The following BSN variants were observed in gnomAD, a reference collection of about 807,000 sequenced individuals.
BSN encodes bassoon presynaptic cytomatrix protein.
In BSN, 57 loss-of-function variants were observed where a neutral mutation model predicts 264.8. The ratio of observed to expected loss-of-function variants is 0.22; its 90% CI spans 0.17 to 0.27. BSN has a LOEUF of 0.27. Among genes scored for constraint, BSN ranks in the 10% least tolerant of loss-of-function variants. The pLI is 1.00. For synonymous variants in BSN, 2,059 were observed against 2,137.3 expected, an observed-to-expected ratio of 0.96 and a Z score of 1.01; for missense variants, 4,615 against 5,232.5, an observed-to-expected ratio of 0.88 and a Z score of 3.64.
chr3:49,563,346 C>T (rs890836291), intron 1 of BSN, among the ~76,000 whole-genome samples: 1 of 152,190 alleles, frequency 6.6e-6, no homozygotes, highest in African/African-American at 2.4e-5. Flanking sequence ...CTGCAGGCTC[C>T]CTGTTCTCAG....
At chr3:49,614,355 G>A (rs543014285) in intron 1 of BSN, among the ~76,000 whole-genome samples, 1 of 152,150 alleles carries the variant, frequency 6.6e-6, no homozygotes, top group Non-Finnish European at 1.5e-5. Flanking sequence ...CACCGCGCCC[G>A]GCCGACATTC....
rs1315459732 is a variant in BSN at position 49,667,706 on chromosome 3, G to GA, written c.*221_*222insA. ...CAGCTGCCTGGGTGAAGCATCTGCT[G>GA]GACAAGTCGGACCACTGGCCAGGGG... On this transcript the variant is annotated 3_prime_UTR_variant, in exon 12 of 12. Coordinates refer to ENST00000296452, the MANE Select transcript of BSN (RefSeq NM_003458.4). The GA allele has an allele frequency of 2.0e-5, 3 of 152,642 alleles. No individual in the cohort carries two copies. The highest frequency in any genetic ancestry group is 7.2e-5 in the African/African-American group (3 of 41,422). 9.5% of individuals were successfully genotyped at this position (152,642 alleles called of 1,614,324 possible).
At chr3:49,673,087 CTTTTTT>C (rs71080543), downstream of BSN, among the ~76,000 whole-genome samples, 482 of 43,208 alleles carry the variant, frequency 0.011, 9 homozygotes, top group Non-Finnish European at 0.017. Flanking sequence ...CCGGCCGGGA[CTTTTTT>C]TTTTTTTTTT....
Position 49,654,446 on chromosome 3 carries a change from T to C in BSN, c.4890T>C (p.Tyr1630=), listed in dbSNP as rs780128346. ...SAGADGPLAL[Y]GWGALPAENI... is the part of the protein sequence containing the mutation. The stretch of plus-strand genomic sequence containing the variant: ...GTGCAGATGGGCCCCTGGCACTATA[T>C]GGCTGGGGTGCCCTCCCTGCTGAGA... The change falls in exon 5 of 12, where the codon TAT becomes TAC. Residue 1630 remains tyrosine, a synonymous_variant. Coordinates refer to ENST00000296452, the MANE Select transcript of BSN (RefSeq NM_003458.4). The surrounding 1 kb of genome is among the most constrained non-coding windows in gnomAD (Gnocchi z 4.1). The C allele has an allele frequency of 1.6e-5, 26 of 1,603,150 alleles. No individual in the cohort carries two copies. Among genetic ancestry groups the C allele is most frequent in the South Asian group, 7.9e-5 (7 of 88,308 alleles).
intron 1 of BSN, among the ~76,000 whole-genome samples, chr3:49,579,060 T>C (rs1444728934): frequency 6.6e-6 from 1 of 152,038 alleles, no homozygotes; most frequent in Non-Finnish European, 1.5e-5. Flanking sequence ...TGATCATGGC[T>C]TACTGTAACC....
chr3:49,558,315 C>A (rs747085319), intron 1 of BSN, among the ~76,000 whole-genome samples: 7 of 152,236 alleles, frequency 4.6e-5, no homozygotes, highest in Non-Finnish European at 2.9e-5. Context: ...CAGGGCAAAG[C>A]CAACAGAGGC....
chr3:49,604,149 C>A (rs553531005), intron 1 of BSN, among the ~76,000 whole-genome samples: 3 of 151,882 alleles, frequency 2.0e-5, no homozygotes, highest in Non-Finnish European at 4.4e-5. Flanking sequence ...GCCTTCAACT[C>A]CTGGGCTCAA....
downstream of BSN, among the ~76,000 whole-genome samples, chr3:49,672,655 A>G (rs2052806872): frequency 7.0e-6 from 1 of 143,288 alleles, no homozygotes; most frequent in African/African-American, 2.6e-5. Flanking sequence ...TAATTTTTGT[A>G]TTTTTAGTAG....
Position 49,655,807 on chromosome 3 carries a change from A to G in BSN, c.6251A>G (p.Glu2084Gly). The G allele has an allele frequency of 1.2e-6, 2 of 1,613,400 alleles. No homozygotes were observed. The highest frequency in any genetic ancestry group is 1.7e-6 in the Non-Finnish European group (2 of 1,180,026). ...GPRGDAVGFQ[E>G]ASLAQYSATT... ...CGGGGAGATGCAGTTGGCTTCCAGG[A>G]GGCCAGCCTGGCCCAGTACAGTGCC... Residue 2084 changes from glutamate to glycine, a missense_variant, in exon 5 of 12, where the codon GAG becomes GGG. Coordinates refer to ENST00000296452, the MANE Select transcript of BSN (RefSeq NM_003458.4).
intron 1 of BSN, among the ~76,000 whole-genome samples, chr3:49,595,480 C>A (rs769027204): frequency 6.6e-6 from 1 of 151,986 alleles, no homozygotes; most frequent in African/African-American, 2.4e-5. Flanking sequence ...TGAGCCACTG[C>A]GCCCGGCCTC....
chr3:49,656,275 G>C lies in BSN; in HGVS notation c.6719G>C (p.Ser2240Thr). ...SGGITAVPLT[S>T]LTRVPMIAPR... The stretch of plus-strand genomic sequence containing the variant: ...GGAATCACAGCCGTGCCACTCACCA[G>C]TCTGACACGTGTGCCCATGATTGCC... Residue 2240 changes from serine (S) to threonine (T), a missense_variant, in exon 5 of 12, where the codon AGT becomes ACT. Around this residue, in one of 3 missense-constraint regions of BSN, gnomAD observed 3,415 missense variants for 3,866.4 expected, o/e 0.88. Transcript: ENST00000296452. 5.6e-6 allele frequency: 9 copies of C among 1,613,128 alleles called. No homozygotes were observed. Among genetic ancestry groups the C allele is most frequent in the Non-Finnish European group, 7.6e-6 (9 of 1,179,834 alleles).
In BSN at chr3:49,652,734, C is replaced by T. The variant is rs1222643556; in HGVS notation, c.3178C>T (p.Arg1060Trp). 3.2e-6 allele frequency: 5 copies of T among 1,561,516 alleles called. No individual in the cohort carries two copies. The highest frequency in any genetic ancestry group is 2.3e-5 in the East Asian group (1 of 44,424). ...GCTGCTTCGTGAGCAAGAGAAGATG[C>T]GGGAGGTGGAGCAGCAGCGCATCCG... ...EELLREQEKM[R>W]EVEQQRIRST... The change falls in exon 5 of 12, where the codon CGG (arginine) becomes TGG (tryptophan). Residue 1060 changes from arginine to tryptophan, a missense_variant. Coordinates refer to ENST00000296452, the MANE Select transcript of BSN (RefSeq NM_003458.4).
chr3:49,643,011 G>T lies in BSN; in HGVS notation c.1377G>T (p.Pro459=), dbSNP rs749730838. 6.2e-7 allele frequency: 1 copy of T among 1,614,114 alleles called. No homozygotes were observed. The highest frequency in any genetic ancestry group is 8.5e-7 in the Non-Finnish European group (1 of 1,180,024). Reference sequence around the variant, plus strand: ...CTGCTGCCAAGCCAAAGACCATGCCGAAGGAAAGGGCCATCTGCCCACTGT... The same window carrying T: ...CTGCTGCCAAGCCAAAGACCATGCCTAAGGAAAGGGCCATCTGCCCACTGT... ...SKAAAKPKTM[P]KERAICPLCQ... Residue 459 remains proline, a synonymous_variant, in exon 3 of 12, where the codon CCG becomes CCT. Coordinates refer to ENST00000296452, the MANE Select transcript of BSN (RefSeq NM_003458.4).
chr3:49,594,408 A>G (rs1045615064), intron 1 of BSN, among the ~76,000 whole-genome samples: 2 of 152,218 alleles, frequency 1.3e-5, no homozygotes, highest in Non-Finnish European at 2.9e-5. Context: ...CAGTTGTTCT[A>G]GCACCATTTG....
At chr3:49,558,098 A>T (rs1335524076) in intron 1 of BSN, among the ~76,000 whole-genome samples, 1 of 152,218 alleles carries the variant, frequency 6.6e-6, no homozygotes, top group African/African-American at 2.4e-5. Flanking sequence ...TATCTGAGAA[A>T]TGTCAAATAA....
chr3:49,597,439 C>A (rs2052032652), intron 1 of BSN, among the ~76,000 whole-genome samples: 1 of 152,078 alleles, frequency 6.6e-6, no homozygotes. Context: ...TTCATCAGCC[C>A]CCTCTCCCCA....
At chr3:49,586,420 G>A (rs1229633456) in intron 1 of BSN, among the ~76,000 whole-genome samples, 1 of 151,922 alleles carries the variant, frequency 6.6e-6, no homozygotes, top group Non-Finnish European at 1.5e-5. Context: ...TGTTGCCCAG[G>A]CTGGAGTGCA....
Position 49,651,184 on chromosome 3 carries a change from T to C in BSN, c.1986+105T>C. On this transcript the variant is annotated intron_variant, in intron 4 of 11. Transcript: ENST00000296452. The surrounding 1 kb of genome is among the most constrained non-coding windows in gnomAD (Gnocchi z 5.4). ...AGGCTGTAGGCTCAGGACAGGTGCC[T>C]TGGGGCCACACAGGAGGGAAGGGAC... 1.7e-6 allele frequency: 2 copies of C among 1,147,196 alleles called. No individual in the cohort carries two copies. The highest frequency in any genetic ancestry group is 2.4e-6 in the Non-Finnish European group (2 of 830,298). 71.1% of individuals were successfully genotyped at this position (1,147,196 alleles called of 1,614,324 possible).
rs2052507220 is a variant in BSN, at chr3:49,647,032, C to T, written c.1519-3580C>T. The stretch of plus-strand genomic sequence containing the variant: ...TTCTCTGGAGTTCTCATTCACAGCC[C>T]CCTGGTCTGGCAGCAGGGCTGAGGG... On this transcript the variant is annotated intron_variant, in intron 3 of 11. Coordinates refer to ENST00000296452, the MANE Select transcript of BSN (RefSeq NM_003458.4). Among the ~76,000 whole-genome samples, 3 of 152,188 alleles carry T rather than the reference C, an allele frequency of 2.0e-5. No individual in the cohort carries two copies. In the South Asian group the frequency reaches 6.2e-4, roughly 31 times the overall value.
Sources: allele counts gnomAD v4.1 joint callset (sites outside exome capture counted in the v4.1 genomes callset), GRCh38; gene constraint gnomAD v4.1.1; regional missense constraint gnomAD v4.1.1; non-coding constraint Gnocchi (gnomAD v3.1); transcripts MANE v1.5; gene names NCBI Gene and HGNC (gene_info 2026-07-23, HGNC 2026-07-21).